Variants in ADAMTSL1 observed in about 807,000 individuals in gnomAD.
ADAMTSL1 encodes ADAMTS like 1.
A neutral mutation model predicts 201.8 loss-of-function variants in ADAMTSL1; 126 were observed. The observed-to-expected ratio is 0.62, with a 90% CI of 0.54 to 0.72. ADAMTSL1 has a LOEUF of 0.72. Among genes scored for constraint, ADAMTSL1 ranks in the 30% least tolerant of loss-of-function variants. The probability of loss-of-function intolerance (pLI) is 0.00; values close to 1 mark genes in which losing one functional copy is unlikely to be tolerated. For missense variants in ADAMTSL1, 2,679 were observed against 2,277.8 expected, an observed-to-expected ratio of 1.18 and a Z score of -3.59; for synonymous variants, 1,121 against 903.4, an observed-to-expected ratio of 1.24 and a Z score of -4.32.
At chr9:18,481,063 A>G (rs1821705078) in intron 1 of ADAMTSL1, among the ~76,000 whole-genome samples, 1 of 152,344 alleles carries the variant, frequency 6.6e-6, no homozygotes, top group South Asian at 2.1e-4. Flanking sequence ...CAACACTGAA[A>G]CTGCTCCAAG....
chr9:18,501,014 C>A (rs79560267), intron 1 of ADAMTSL1, among the ~76,000 whole-genome samples: 1 of 151,968 alleles, frequency 6.6e-6, no homozygotes, highest in South Asian at 2.1e-4. Flanking sequence ...ATTTATCTGA[C>A]GAAAATCATT....
At chr9:18,035,720 G>A (rs547482617) in intron 1 of ADAMTSL1, among the ~76,000 whole-genome samples, 138 of 152,028 alleles carry the variant, frequency 9.1e-4, no homozygotes, top group Non-Finnish European at 1.8e-3. Context: ...TATGATCATC[G>A]TCTGCTGTCT....
At chr9:18,754,009 A>C (rs2133615277) in intron 16 of ADAMTSL1, among the ~76,000 whole-genome samples, 2 of 152,336 alleles carry the variant, frequency 1.3e-5, no homozygotes, top group East Asian at 1.9e-4. Context: ...GAATTCCAAA[A>C]GTCTGGGAAC....
intron 4 of ADAMTSL1, among the ~76,000 whole-genome samples, chr9:18,611,346 G>T (rs541823498): frequency 5.9e-5 from 9 of 152,260 alleles, no homozygotes; most frequent in Admixed American, 2.6e-4. Flanking sequence ...TTGGAAGCAG[G>T]GGAGGGAGAA....
intron 23 of ADAMTSL1, among the ~76,000 whole-genome samples, chr9:18,872,767 T>C (rs1387695982): frequency 6.6e-6 from 1 of 152,190 alleles, no homozygotes; most frequent in Admixed American, 6.5e-5. Context: ...GGTTCCGTAT[T>C]TTGCAGTTGC....
chr9:18,473,092 G>C (rs969333278), upstream of ADAMTSL1, among the ~76,000 whole-genome samples: 3 of 152,154 alleles, frequency 2.0e-5, no homozygotes, highest in African/African-American at 7.2e-5. Context: ...TGGCCTCCAA[G>C]GTCATCCCAT....
chr9:18,606,444 T>G (rs1425100389), intron 4 of ADAMTSL1, among the ~76,000 whole-genome samples: 1 of 152,102 alleles, frequency 6.6e-6, no homozygotes, highest in Non-Finnish European at 1.5e-5. Flanking sequence ...CTCTAAACAT[T>G]CCCTCAAAAA....
chr9:18,015,713 G>A lies in ADAMTSL1; in HGVS notation c.87+108791G>A, dbSNP rs370778165. Reference sequence around the variant, plus strand: ...TGGACTGAGGGCTGCCTGACCCTAAGCTTCTTCCCACAAGACCAGGGCTTC... The same window carrying A: ...TGGACTGAGGGCTGCCTGACCCTAAACTTCTTCCCACAAGACCAGGGCTTC... On this transcript the variant is annotated intron_variant, in intron 1 of 29. Transcript: ENST00000680146. Among the ~76,000 whole-genome samples, 3 of 151,952 alleles carry A rather than the reference G, an allele frequency of 2.0e-5. No homozygotes were observed. The South Asian group carries it at 6.2e-4, about 31-fold the overall frequency.
At chr9:18,848,015 T>C (rs147768135) in intron 23 of ADAMTSL1, among the ~76,000 whole-genome samples, 7 of 152,362 alleles carry the variant, frequency 4.6e-5, no homozygotes, top group Admixed American at 1.3e-4. Flanking sequence ...CTGAATGTTA[T>C]AGAGCTGACT....
chr9:18,692,749 A>G (rs1831307484), intron 13 of ADAMTSL1, among the ~76,000 whole-genome samples: 1 of 152,246 alleles, frequency 6.6e-6, no homozygotes, highest in African/African-American at 2.4e-5. Flanking sequence ...TATCAAAGTC[A>G]GGGAAAATGT....
chr9:18,887,537 TGAA>T (rs1361058318), intron 23 of ADAMTSL1, among the ~76,000 whole-genome samples: 1 of 152,232 alleles, frequency 6.6e-6, no homozygotes, highest in African/African-American at 2.4e-5. Flanking sequence ...GTTCAATGAA[TGAA>T]GATTAATTGT....
chr9:18,103,469 G>C (rs938512009), intron 1 of ADAMTSL1, among the ~76,000 whole-genome samples: 4 of 151,990 alleles, frequency 2.6e-5, no homozygotes, highest in African/African-American at 7.2e-5. Flanking sequence ...AGATAATAAA[G>C]CCCACTTTTT....
chr9:18,208,504 C>T (rs779771287), intron 2 of ADAMTSL1, among the ~76,000 whole-genome samples: 3 of 152,120 alleles, frequency 2.0e-5, no homozygotes, highest in Non-Finnish European at 2.9e-5. Context: ...AAATGTCTTA[C>T]TTTGCTAAGC....
intron 28 of ADAMTSL1, 118 bp downstream of exon 28, chr9:18,907,030 G>A: frequency 8.4e-7 from 1 of 1,191,090 alleles, no homozygotes; most frequent in Non-Finnish European, 1.2e-6. Flanking sequence ...CAGGGATTGT[G>A]AGCTGGTGGT....
Position 18,463,541 on chromosome 9 carries a change from C to A in ADAMTSL1, c.208-41288C>A, listed in dbSNP as rs545216402. ...CCCCATACCCCGTTAAACGTTAATT[C>A]CCCATTCCCCCTTCCCTCAGGCTCC... On this transcript the variant is annotated intron_variant, in intron 2 of 29. Transcript: ENST00000680146. Among the ~76,000 whole-genome samples the A allele has an allele frequency of 5.9e-5, 9 of 152,082 alleles. No individual in the cohort carries two copies. In the South Asian group the frequency reaches 1.9e-3, roughly 32 times the overall value.
At chr9:18,252,147 G>A (rs1307025194) in intron 2 of ADAMTSL1, among the ~76,000 whole-genome samples, 1 of 152,088 alleles carries the variant, frequency 6.6e-6, no homozygotes, top group Non-Finnish European at 1.5e-5. Context: ...AAAAGTTTAG[G>A]AGAAAAGTTG....
chr9:18,496,958 G>C (rs189829801), intron 1 of ADAMTSL1, among the ~76,000 whole-genome samples: 46 of 152,330 alleles, frequency 3.0e-4, no homozygotes, highest in African/African-American at 1.1e-3. Flanking sequence ...AGCAGAGAGA[G>C]AATTTCGTTT....
intron 1 of ADAMTSL1, among the ~76,000 whole-genome samples, chr9:17,920,891 G>A (rs539512121): frequency 6.6e-6 from 1 of 152,332 alleles, no homozygotes; most frequent in South Asian, 2.1e-4. Flanking sequence ...CAAGAGGGCG[G>A]ATTTGGCCCA....
At chr9:18,298,361 C>A (rs1253407772) in intron 2 of ADAMTSL1, among the ~76,000 whole-genome samples, 2 of 152,068 alleles carry the variant, frequency 1.3e-5, no homozygotes, top group African/African-American at 2.4e-5. Flanking sequence ...CACCAGAAAG[C>A]AAAATCAGAT....
Sources: gnomAD v4.1 joint callset for allele counts (sites outside exome capture counted in the v4.1 genomes callset) on GRCh38, gnomAD v4.1.1 for gene constraint, MANE v1.5 for transcripts, NCBI Gene and HGNC (gene_info 2026-07-23, HGNC 2026-07-21) for gene names.